The following CDYL2 variants were observed in gnomAD, a reference collection of about 807,000 sequenced individuals.
The protein encoded by CDYL2 is chromodomain Y-like protein 2.
Under a neutral mutation model 49.4 loss-of-function variants are expected in CDYL2, and 23 were observed. That is an observed-to-expected ratio of 0.47 (90% CI 0.34 to 0.66). The LOEUF is 0.66. Ranked by LOEUF, CDYL2 falls within the 30% of genes least tolerant of loss-of-function variation. The probability of loss-of-function intolerance (pLI) is 0.01; values close to 1 mark genes in which losing one functional copy is unlikely to be tolerated. For synonymous variants in CDYL2, 360 were observed against 268.8 expected, an observed-to-expected ratio of 1.34 and a Z score of -3.32; for missense variants, 678 against 656.4, an observed-to-expected ratio of 1.03 and a Z score of -0.36.
chr16:80,606,155 G>A (rs921974766), intron 6 of CDYL2, among the ~76,000 whole-genome samples: 3 of 152,216 alleles, frequency 2.0e-5, no homozygotes, highest in African/African-American at 7.2e-5. Context: ...CCCTGCCTGG[G>A]CTAGAGGCTG....
chr16:80,672,523 C>T (rs77020256), intron 2 of CDYL2, among the ~76,000 whole-genome samples: 2 of 72,552 alleles, frequency 2.8e-5, no homozygotes, highest in Non-Finnish European at 6.2e-5. Context: ...AGAAGCAAAG[C>T]AAAGGAAAAG....
intron 1 of CDYL2, among the ~76,000 whole-genome samples, chr16:80,758,956 C>CGTCTG (rs1372048597): frequency 1.3e-5 from 2 of 151,412 alleles, no homozygotes; most frequent in Admixed American, 6.6e-5. Flanking sequence ...ACTAACCAGA[C>CGTCTG]ATTAAGAATT....
chr16:80,682,583 A>T (rs1320410177), intron 2 of CDYL2, among the ~76,000 whole-genome samples: 1 of 152,196 alleles, frequency 6.6e-6, no homozygotes, highest in South Asian at 2.1e-4. Flanking sequence ...TGTCAGCTAC[A>T]GTCAGCAAAT....
intron 1 of CDYL2, among the ~76,000 whole-genome samples, chr16:80,747,052 G>C (rs544180171): frequency 4.9e-4 from 75 of 152,268 alleles, no homozygotes; most frequent in Admixed American, 4.9e-3. Context: ...GCTGAGGGTT[G>C]GCTGCCATTT....
chr16:80,769,846 T>C (rs936961247), intron 1 of CDYL2, among the ~76,000 whole-genome samples: 1 of 152,022 alleles, frequency 6.6e-6, no homozygotes, highest in African/African-American at 2.4e-5. Flanking sequence ...AAAAACAAAA[T>C]CAGACTTTAT....
Position 80,612,148 on chromosome 16 carries a change from G to A in CDYL2, c.1218+478C>T, listed in dbSNP as rs532214487. 6.6e-5 allele frequency among the ~76,000 whole-genome samples: 10 copies of A among 152,258 alleles called. No homozygotes were observed. In the South Asian group the frequency reaches 1.7e-3, roughly 25 times the overall value. On this transcript the variant is annotated intron_variant, in intron 5 of 6. Transcript: ENST00000570137. The surrounding 1 kb of genome is among the most constrained non-coding windows in gnomAD (Gnocchi z 5.0). ...GAGTGGAGGGGAAGACGCCCCTGCC[G>A]GCCTGGCCCATGAAGCCCTCCAGGG...
At chr16:80,800,952 C>T (rs976068167) in intron 1 of CDYL2, among the ~76,000 whole-genome samples, 2 of 152,120 alleles carry the variant, frequency 1.3e-5, no homozygotes, top group African/African-American at 2.4e-5. Flanking sequence ...AGAATGGGTG[C>T]CTGGTAATAG....
At chr16:80,778,638 T>G (rs74030428) in intron 1 of CDYL2, among the ~76,000 whole-genome samples, 2,785 of 152,150 alleles carry the variant, frequency 0.018, 87 homozygotes, top group African/African-American at 0.064. Flanking sequence ...CACAGAGGTA[T>G]CAACTTTATC....
chr16:80,666,607 G>A lies in CDYL2; in HGVS notation c.616+17931C>T, dbSNP rs770165388. On this transcript the variant is annotated intron_variant, in intron 2 of 6. Coordinates refer to ENST00000570137, the MANE Select transcript of CDYL2 (RefSeq NM_152342.4). ...CAACAATCACCAGATGAGCCAATGG[G>A]AAGGGAATCCTGTCGTTGCTGTGAA... Among the ~76,000 whole-genome samples the A allele has an allele frequency of 2.6e-5, 4 of 152,212 alleles. No individual in the cohort carries two copies. In the East Asian group the frequency reaches 7.7e-4, roughly 29 times the overall value.
At chr16:80,786,762 C>T (rs1907449531) in intron 1 of CDYL2, among the ~76,000 whole-genome samples, 1 of 152,202 alleles carries the variant, frequency 6.6e-6, no homozygotes, top group Admixed American at 6.5e-5. Context: ...GAGTTCATGT[C>T]CCTTGTAGGG....
In CDYL2 at chr16:80,612,559, G is replaced by C; in HGVS notation, c.1218+67C>G. On this transcript the variant is annotated intron_variant, in intron 5 of 6. Coordinates refer to ENST00000570137, the MANE Select transcript of CDYL2 (RefSeq NM_152342.4). This position sits in a 1 kb window ranked among gnomAD's most constrained non-coding sequence, Gnocchi z 5.0. ...CCTCAGGTTTCTAGCCCCATGAAGA[G>C]CCCCTAAACCCAAGGCAGAGGAAGG... is the stretch of plus-strand genomic sequence containing the variant. 1 of 1,462,530 alleles carries C rather than the reference G, an allele frequency of 6.8e-7. No individual in the cohort carries two copies. The highest frequency in any genetic ancestry group is 9.2e-7 in the Non-Finnish European group (1 of 1,083,006). 90.6% of individuals were successfully genotyped at this position (1,462,530 alleles called of 1,614,324 possible). A position where few individuals can be genotyped will look rare whatever the true frequency, so the allele number is the denominator to read the frequency against.
intron 2 of CDYL2, among the ~76,000 whole-genome samples, chr16:80,652,047 A>G (rs1908606653): frequency 6.6e-6 from 1 of 152,202 alleles, no homozygotes. Context: ...ATATCTATAG[A>G]TAAGGGTATA....
At chr16:80,779,637 G>C (rs1177447173) in intron 1 of CDYL2, among the ~76,000 whole-genome samples, 1 of 151,928 alleles carries the variant, frequency 6.6e-6, no homozygotes, top group African/African-American at 2.4e-5. Flanking sequence ...CTAAAACAAA[G>C]TGATAAAATA....
At chr16:80,751,075 T>C (rs555000781) in intron 1 of CDYL2, among the ~76,000 whole-genome samples, 2 of 152,202 alleles carry the variant, frequency 1.3e-5, no homozygotes, top group Admixed American at 1.3e-4. Context: ...GCTCAACTCA[T>C]TTTACATTAT....
chr16:80,701,920 T>C (rs1214317049), intron 1 of CDYL2, among the ~76,000 whole-genome samples: 1 of 152,142 alleles, frequency 6.6e-6, no homozygotes, highest in African/African-American at 2.4e-5. Context: ...TACTTGTGAG[T>C]GTAGCATTAG....
intron 1 of CDYL2, among the ~76,000 whole-genome samples, chr16:80,734,727 A>T (rs1362978776): frequency 6.6e-6 from 1 of 152,176 alleles, no homozygotes; most frequent in African/African-American, 2.4e-5. Context: ...TAAGCTTAGG[A>T]ATGCATTCTA....
intron 1 of CDYL2, among the ~76,000 whole-genome samples, chr16:80,778,624 G>C (rs1034438639): frequency 6.6e-6 from 1 of 152,028 alleles, no homozygotes; most frequent in Non-Finnish European, 1.5e-5. Context: ...ATAAGACTCA[G>C]TATCACAGAG....
At chr16:80,789,954 C>G (rs774185006) in intron 1 of CDYL2, among the ~76,000 whole-genome samples, 3 of 152,144 alleles carry the variant, frequency 2.0e-5, no homozygotes, top group Non-Finnish European at 4.4e-5. Context: ...AAATTACCTA[C>G]TGGGTACAAT....
At chr16:80,615,308 G>T (rs1327608958) in intron 4 of CDYL2, among the ~76,000 whole-genome samples, 1 of 152,254 alleles carries the variant, frequency 6.6e-6, no homozygotes, top group East Asian at 1.9e-4. Context: ...GTCTGCGGGG[G>T]ATATGGACTT....
Sources: gnomAD v4.1 joint callset for allele counts (sites outside exome capture counted in the v4.1 genomes callset) on GRCh38, gnomAD v4.1.1 for gene constraint, Gnocchi (gnomAD v3.1) non-coding constraint, MANE v1.5 for transcripts, NCBI Gene and HGNC (gene_info 2026-07-23, HGNC 2026-07-21) for gene names.